Variants in CNTNAP4 observed in about 807,000 individuals in gnomAD.
The protein encoded by CNTNAP4 is contactin-associated protein-like 4.
A neutral mutation model predicts 148.4 loss-of-function variants in CNTNAP4; 98 were observed. The ratio of observed to expected loss-of-function variants is 0.66; its 90% CI spans 0.56 to 0.78. CNTNAP4 has a LOEUF of 0.78. Among genes scored for constraint, CNTNAP4 ranks in the 30% least tolerant of loss-of-function variants. CNTNAP4 has a pLI of 0.00. For missense variants in CNTNAP4, 1,935 were observed against 1,565.6 expected, an observed-to-expected ratio of 1.24 and a Z score of -3.98; for synonymous variants, 730 against 565.1, an observed-to-expected ratio of 1.29 and a Z score of -4.14.
At chr16:76,486,829 G>T (rs1478803004) in intron 12 of CNTNAP4, among the ~76,000 whole-genome samples, 1 of 152,044 alleles carries the variant, frequency 6.6e-6, no homozygotes, top group Non-Finnish European at 1.5e-5. Flanking sequence ...TCATAATTTT[G>T]TGAACCTCCT....
At position 76,360,815 on chromosome 16, in the gene CNTNAP4, A is replaced by ATTTTT. The variant is rs397745852; in HGVS notation, c.390+5319_390+5323dup. ...TAATGCCTGGTTAAAACATGGCTGC[A>ATTTTT]TTTTTTTTTTTTTTTTTTTGAGATG... On this transcript the variant is annotated intron_variant, in intron 3 of 23. Transcript: ENST00000611870. 2.7e-4 allele frequency among the ~76,000 whole-genome samples: 33 copies of ATTTTT among 122,304 alleles called. No individual in the cohort carries two copies. The South Asian group carries it at 5.5e-3, about 20-fold the overall frequency. The allele number at this position is 122,304 out of a possible 152,430, so 80.2% of individuals were successfully genotyped here.
At chr16:76,548,461 T>C (rs1307275624) in intron 21 of CNTNAP4, among the ~76,000 whole-genome samples, 1 of 152,110 alleles carries the variant, frequency 6.6e-6, no homozygotes, top group Non-Finnish European at 1.5e-5. Context: ...AAAGCACTCC[T>C]TGTAATTGTT....
At chr16:76,388,522 A>G (rs1320206121) in intron 3 of CNTNAP4, among the ~76,000 whole-genome samples, 5 of 152,234 alleles carry the variant, frequency 3.3e-5, no homozygotes, top group Admixed American at 2.6e-4. Context: ...GTATCAGTCA[A>G]TTCACACAAG....
intron 4 of CNTNAP4, among the ~76,000 whole-genome samples, chr16:76,439,727 C>A (rs79854376): frequency 6.6e-6 from 1 of 152,056 alleles, no homozygotes; most frequent in African/African-American, 2.4e-5. Context: ...GGCACCTTTT[C>A]CCTGTGGTTA....
rs530624633 is a variant in CNTNAP4, at chr16:76,531,467, G to A, written c.2756-4078G>A. 4.6e-5 allele frequency among the ~76,000 whole-genome samples: 7 copies of A among 152,224 alleles called. No individual in the cohort carries two copies. In the South Asian group the frequency reaches 1.5e-3, roughly 32 times the overall value. On this transcript the variant is annotated intron_variant, in intron 17 of 23. Coordinates refer to ENST00000611870, the MANE Select transcript of CNTNAP4 (RefSeq NM_033401.5). Reference sequence around the variant, plus strand: ...AGGTTCAGTTAAACTCAATAAACACGGAAAGGTTGGGCATTTGTTTCACAG... The same window carrying A: ...AGGTTCAGTTAAACTCAATAAACACAGAAAGGTTGGGCATTTGTTTCACAG...
At chr16:76,341,352 G>A (rs1043660422) in intron 2 of CNTNAP4, among the ~76,000 whole-genome samples, 12 of 152,092 alleles carry the variant, frequency 7.9e-5, no homozygotes, top group African/African-American at 2.2e-4. Flanking sequence ...CCCACCCAGT[G>A]ACAAGCTGAT....
intron 3 of CNTNAP4, among the ~76,000 whole-genome samples, chr16:76,393,047 G>T (rs1478644628): frequency 6.6e-6 from 1 of 152,174 alleles, no homozygotes; most frequent in Non-Finnish European, 1.5e-5. Flanking sequence ...TGTCTAAATT[G>T]TATTCTGACA....
chr16:76,383,218 A>G (rs2144713299), intron 3 of CNTNAP4, among the ~76,000 whole-genome samples: 1 of 152,168 alleles, frequency 6.6e-6, no homozygotes. Flanking sequence ...AAATTTAAGA[A>G]TGTTAGAATA....
Position 76,558,731 on chromosome 16 carries a change from C to A in CNTNAP4, c.*48C>A. ...AAATTATGATAGTTTGTTTTAATAG[C>A]CAGGGGTTCTCAATGGAAAAACGAA... On this transcript the variant is annotated 3_prime_UTR_variant, in exon 24 of 24. Coordinates refer to ENST00000611870, the MANE Select transcript of CNTNAP4 (RefSeq NM_033401.5). 7.1e-7 allele frequency: 1 copy of A among 1,417,772 alleles called. No homozygotes were observed. The highest frequency in any genetic ancestry group is 9.7e-7 in the Non-Finnish European group (1 of 1,035,126). The allele number at this position is 1,417,772 out of a possible 1,614,324, so 87.8% of individuals were successfully genotyped here.
At chr16:76,509,147 T>C (rs1703625935) in intron 15 of CNTNAP4, among the ~76,000 whole-genome samples, 1 of 97,802 alleles carries the variant, frequency 1.0e-5, no homozygotes, top group African/African-American at 2.6e-5. Flanking sequence ...TTAATATCAA[T>C]TGAATATCAT....
intron 1 of CNTNAP4, among the ~76,000 whole-genome samples, chr16:76,283,807 A>AAAAAAT (rs1958780821): frequency 6.6e-6 from 1 of 152,056 alleles, no homozygotes; most frequent in Non-Finnish European, 1.5e-5. Flanking sequence ...CCCTGAACTT[A>AAAAAAT]AAAAATAAAA....
At position 76,336,525 on chromosome 16, in the gene CNTNAP4, T is replaced by G. The variant is rs560911103; in HGVS notation, c.197-18793T>G. On this transcript the variant is annotated intron_variant, in intron 2 of 23. Transcript: ENST00000611870. ...CTCATGAGCCAAAATATAATGATGT[T>G]GGATAAAAGATTTAGGCTTTATTTT... Among the ~76,000 whole-genome samples, 22 of 152,316 alleles carry G rather than the reference T, an allele frequency of 1.4e-4. No homozygotes were observed. In the East Asian group the frequency reaches 4.1e-3, roughly 28 times the overall value.
intron 3 of CNTNAP4, among the ~76,000 whole-genome samples, chr16:76,403,595 G>C (rs2078496207): frequency 6.6e-6 from 1 of 152,146 alleles, no homozygotes; most frequent in Non-Finnish European, 1.5e-5. Context: ...TACACTGTTG[G>C]TAGGAGTCTA....
At chr16:76,552,261 G>C (rs2084983095) in intron 21 of CNTNAP4, among the ~76,000 whole-genome samples, 1 of 152,072 alleles carries the variant, frequency 6.6e-6, no homozygotes, top group Admixed American at 6.5e-5. Flanking sequence ...CCTCCCACAG[G>C]GTCCCTCCCT....
intron 9 of CNTNAP4, among the ~76,000 whole-genome samples, chr16:76,462,554 C>T (rs982412320): frequency 4.6e-5 from 7 of 152,086 alleles, no homozygotes; most frequent in African/African-American, 1.7e-4. Flanking sequence ...TTAATCAGCC[C>T]CAGCAACCTC....
At chr16:76,501,633 C>T (rs1198986702) in intron 15 of CNTNAP4, among the ~76,000 whole-genome samples, 1 of 152,068 alleles carries the variant, frequency 6.6e-6, no homozygotes, top group East Asian at 1.9e-4. Flanking sequence ...GTCAGGTTTG[C>T]TGCTAAACAT....
intron 3 of CNTNAP4, among the ~76,000 whole-genome samples, chr16:76,416,307 T>C (rs971292695): frequency 5.3e-5 from 8 of 151,386 alleles, no homozygotes; most frequent in African/African-American, 9.7e-5. Context: ...CTGCATTCTT[T>C]AGGCTTCAAT....
chr16:76,331,181 T>C (rs1963478202), intron 2 of CNTNAP4, among the ~76,000 whole-genome samples: 1 of 151,960 alleles, frequency 6.6e-6, no homozygotes, highest in African/African-American at 2.4e-5. Flanking sequence ...TTTGTTGTTT[T>C]CTGTTTTTTC....
intron 13 of CNTNAP4, among the ~76,000 whole-genome samples, chr16:76,492,146 T>C (rs4887867): frequency 0.8 from 121,833 of 152,130 alleles, 50,236 homozygotes; most frequent in East Asian, 0.96. Flanking sequence ...GGTACAAATT[T>C]GCAGTTGTAA....
Sources: gnomAD v4.1 joint callset for allele counts (sites outside exome capture counted in the v4.1 genomes callset) on GRCh38, gnomAD v4.1.1 for gene constraint, MANE v1.5 for transcripts, NCBI Gene and HGNC (gene_info 2026-07-23, HGNC 2026-07-21) for gene names.